ERI1: variants seen among roughly 807,000 people sequenced by gnomAD.
ERI1 encodes 3'-5' exoribonuclease 1.
ERI1 carries 39 observed loss-of-function variants against 39.7 expected under a neutral mutation model. The ratio of observed to expected loss-of-function variants is 0.98; its 90% CI spans 0.76 to 1.28. ERI1 has a LOEUF of 1.28. Among genes scored for constraint, ERI1 ranks in the 50% most tolerant of loss-of-function variants. ERI1 has a pLI of 0.00. For synonymous variants in ERI1, 204 were observed against 149.6 expected (o/e 1.36, Z -2.65); for missense variants, 581 against 416.9 (o/e 1.39, Z -3.43).
chr8:9,004,908 G>A (rs1237809342), intron 1 of ERI1, among the ~76,000 whole-genome samples: 1 of 151,900 alleles, frequency 6.6e-6, no homozygotes, highest in Non-Finnish European at 1.5e-5. Flanking sequence ...TGCTGGTCTG[G>A]AACTCCTGAC....
chr8:9,036,745 T>C (rs1297604575), downstream of ERI1, among the ~76,000 whole-genome samples: 1 of 152,170 alleles, frequency 6.6e-6, no homozygotes, highest in Non-Finnish European at 1.5e-5. Context: ...TGTGATTTTC[T>C]GTTTGCTAAT....
intron 6 of ERI1, 87 bp downstream of exon 6, chr8:9,020,551 T>A (rs1817774366): frequency 1.2e-6 from 1 of 805,816 alleles, no homozygotes; most frequent in Non-Finnish European, 1.9e-6. Flanking sequence ...ATTTTCCAGG[T>A]GTTTTTCATG....
intron 3 of ERI1, among the ~76,000 whole-genome samples, chr8:9,056,745 C>A (rs1290599381): frequency 2.6e-5 from 4 of 152,208 alleles, no homozygotes; most frequent in African/African-American, 7.2e-5. Context: ...TTGATAAATA[C>A]TTCCCTGATT....
At chr8:9,069,264 C>G (rs114978576) in intron 3 of ERI1, among the ~76,000 whole-genome samples, 1 of 152,206 alleles carries the variant, frequency 6.6e-6, no homozygotes, top group African/African-American at 2.4e-5. Flanking sequence ...CTTGAATCCT[C>G]TCTGAAGCTG....
chr8:9,018,453 T>G (rs376704877), intron 5 of ERI1, 47 bp downstream of exon 5: 1 of 1,060,066 alleles, frequency 9.4e-7, no homozygotes, highest in African/African-American at 1.6e-5. Flanking sequence ...TTTTAAAGAT[T>G]AAAGATACCC....
At chr8:9,045,013 G>A (rs1166640245) in intron 3 of ERI1, among the ~76,000 whole-genome samples, 14 of 151,980 alleles carry the variant, frequency 9.2e-5, no homozygotes, top group Non-Finnish European at 1.3e-4. Context: ...CGAGTCAGGC[G>A]GATCACGAGG....
chr8:9,057,019 G>C (rs537798638), intron 3 of ERI1, among the ~76,000 whole-genome samples: 3 of 152,130 alleles, frequency 2.0e-5, no homozygotes, highest in Non-Finnish European at 4.4e-5. Context: ...TTTTTATAGA[G>C]GTGGGGTTTC....
intron 3 of ERI1, among the ~76,000 whole-genome samples, chr8:9,047,103 G>T (rs1451689617): frequency 1.3e-5 from 2 of 152,220 alleles, no homozygotes; most frequent in African/African-American, 2.4e-5. Flanking sequence ...CCCAGAAGGA[G>T]CACTCCTTGC....
rs146409258 is a variant in ERI1 at position 9,027,926 on chromosome 8, T to G, written c.808-1866T>G. On this transcript the variant is annotated intron_variant, in intron 6 of 6. Coordinates refer to ENST00000250263, the MANE Select transcript of ERI1 (RefSeq NM_153332.4). ...CTTGCATTTCAGGATAAAATCCTAC[T>G]TGGTCATGGCACATAATTGTTTTAA... 1.4e-4 allele frequency among the ~76,000 whole-genome samples: 22 copies of G among 152,356 alleles called. No homozygotes were observed. The East Asian group carries it at 4.0e-3, about 28-fold the overall frequency.
intron 3 of ERI1, among the ~76,000 whole-genome samples, chr8:9,073,270 C>T (rs1363511323): frequency 6.6e-6 from 1 of 152,230 alleles, no homozygotes; most frequent in Non-Finnish European, 1.5e-5. Context: ...ATTAATCTGT[C>T]ACATCGTCCC....
chr8:9,034,483 A>G (rs138140846), downstream of ERI1, among the ~76,000 whole-genome samples: 117 of 152,202 alleles, frequency 7.7e-4, no homozygotes, highest in African/African-American at 2.6e-3. Context: ...CTATATTTCA[A>G]ACTTTTTGAT....
chr8:9,035,417 A>G (rs1053997968), downstream of ERI1, among the ~76,000 whole-genome samples: 4 of 152,226 alleles, frequency 2.6e-5, no homozygotes, highest in African/African-American at 7.2e-5. Context: ...TTCATTAACC[A>G]TTCTGAAAAT....
At chr8:9,020,071 C>T (rs975848098) in intron 5 of ERI1, among the ~76,000 whole-genome samples, 1 of 152,132 alleles carries the variant, frequency 6.6e-6, no homozygotes, top group Non-Finnish European at 1.5e-5. Flanking sequence ...GCATAATACT[C>T]AGCAAGATAG....
chr8:9,059,546 A>G (rs892349174), intron 3 of ERI1, among the ~76,000 whole-genome samples: 1 of 152,086 alleles, frequency 6.6e-6, no homozygotes, highest in Non-Finnish European at 1.5e-5. Flanking sequence ...GTCTTATAGA[A>G]TTATTGATGA....
intron 6 of ERI1, among the ~76,000 whole-genome samples, chr8:9,024,570 C>A (rs1222753204): frequency 6.6e-6 from 1 of 151,946 alleles, no homozygotes; most frequent in Non-Finnish European, 1.5e-5. Flanking sequence ...ACAGGTGCCT[C>A]CCACCATGCC....
chr8:9,057,477 C>T (rs1022767506), intron 3 of ERI1, among the ~76,000 whole-genome samples: 1 of 152,136 alleles, frequency 6.6e-6, no homozygotes, highest in African/African-American at 2.4e-5. Flanking sequence ...ATCACTTTTG[C>T]GGTCCAAGTT....
rs368664160 is a variant in ERI1, at chr8:9,020,474, C to A, written c.807+10C>A. ...TGGAAATTTTTACAAGGTAAAATTT[C>A]TATATTTAATAATTACGTGGTTCTT... On this transcript the variant is annotated intron_variant, in intron 6 of 6. Transcript: ENST00000250263. 177 of 1,493,942 alleles carry A rather than the reference C, an allele frequency of 1.2e-4. 1 individual carries two copies. In the South Asian group the frequency reaches 2.1e-3, roughly 18 times the overall value. The allele number at this position is 1,493,942 out of a possible 1,614,324, so 92.5% of individuals were successfully genotyped here. A position where few individuals can be genotyped will look rare whatever the true frequency, so the allele number is the denominator to read the frequency against.
chr8:9,046,700 G>T lies in ERI1; in HGVS notation n.299+26236G>T, dbSNP rs370238122. Among the ~76,000 whole-genome samples the T allele has an allele frequency of 3.9e-5, 6 of 152,206 alleles. No homozygotes were observed. In the South Asian group the frequency reaches 1.2e-3, roughly 32 times the overall value. On this transcript the variant is annotated intron_variant and non_coding_transcript_variant, in intron 3 of 3. Coordinates refer to the ERI1 transcript ENST00000518663. ...AAAGCAAAAACACCTTTACTATTGA[G>T]TCTTTTATGCAGCTATTAGCTTGGT...
At chr8:9,090,833 G>A (rs1386205055) in intron 3 of ERI1, among the ~76,000 whole-genome samples, 1 of 152,136 alleles carries the variant, frequency 6.6e-6, no homozygotes, top group Non-Finnish European at 1.5e-5. Context: ...AATTTGAGAG[G>A]CTTGAGAGGA....
Sources: allele counts gnomAD v4.1 joint callset (sites outside exome capture counted in the v4.1 genomes callset), GRCh38; gene constraint gnomAD v4.1.1; transcripts MANE v1.5; gene names NCBI Gene and HGNC (gene_info 2026-07-23, HGNC 2026-07-21).